Variants in MYRIP observed in about 807,000 individuals in gnomAD.
MYRIP encodes the protein rab effector MyRIP.
A neutral mutation model predicts 98.0 loss-of-function variants in MYRIP; 49 were observed. That is an observed-to-expected ratio of 0.50 (90% CI 0.40 to 0.63). The LOEUF is 0.63. MYRIP is among the 30% of genes least tolerant of loss of function. MYRIP has a pLI of 0.00. For synonymous variants in MYRIP, 404 were observed against 409.5 expected (o/e 0.99, Z 0.16); for missense variants, 1,004 against 1,058.2 (o/e 0.95, Z 0.71).
chr3:39,996,401 G>T (rs1167516378), intron 2 of MYRIP, among the ~76,000 whole-genome samples: 1 of 152,156 alleles, frequency 6.6e-6, no homozygotes, highest in Non-Finnish European at 1.5e-5. Context: ...TGATAAAACA[G>T]ACTTTAAACC....
intron 3 of MYRIP, among the ~76,000 whole-genome samples, chr3:40,102,700 G>A (rs1054164689): frequency 6.6e-6 from 1 of 152,030 alleles, no homozygotes; most frequent in Non-Finnish European, 1.5e-5. Context: ...GCAGCCGGGA[G>A]TGTCACCTCT....
chr3:40,059,071 T>C (rs1947945773), intron 3 of MYRIP, among the ~76,000 whole-genome samples: 1 of 152,082 alleles, frequency 6.6e-6, no homozygotes, highest in Admixed American at 6.6e-5. Context: ...CTGAGAATAA[T>C]GATTTCCAGT....
At chr3:40,158,054 C>T (rs888915534) in intron 4 of MYRIP, among the ~76,000 whole-genome samples, 1 of 151,884 alleles carries the variant, frequency 6.6e-6, no homozygotes, top group Non-Finnish European at 1.5e-5. Flanking sequence ...AATGTGTTTG[C>T]TCTTGCTTTT....
Position 40,162,784 on chromosome 3 carries a change from A to G in MYRIP, c.524A>G (p.Asp175Gly). ...LENEGSISGS[D>G]STFYRQSEGH... ...AATGAAGGAAGCATTTCTGGCAGTG[A>G]TTCAACATTTTATAGGCAGTCAGAA... is the stretch of plus-strand genomic sequence containing the variant. The change falls in exon 5 of 17, where the codon GAT becomes GGT. Residue 175 changes from aspartate (D) to glycine (G), a missense_variant. Asp to Gly is a moderately conservative substitution (Grantham distance 94). Coordinates refer to ENST00000302541, the MANE Select transcript of MYRIP (RefSeq NM_015460.4). The G allele has an allele frequency of 6.2e-7, 1 of 1,614,130 alleles. No individual in the cohort carries two copies. Among genetic ancestry groups the G allele is most frequent in the South Asian group, 1.1e-5 (1 of 91,086 alleles).
chr3:39,914,170 C>T (rs567094384), intron 2 of MYRIP, among the ~76,000 whole-genome samples: 10 of 152,132 alleles, frequency 6.6e-5, no homozygotes, highest in Admixed American at 3.3e-4. Context: ...TGGAACTTAT[C>T]GCACAGGTTA....
In MYRIP at chr3:40,004,107, G is replaced by A. The variant is rs74621588; in HGVS notation, c.111-39943G>A. The stretch of plus-strand genomic sequence containing the variant: ...ATCTAGTGGATTTCAGCACAGGCAT[G>A]TCTGACTGAGTTCCTGAACCTTCCA... On this transcript the variant is annotated intron_variant, in intron 2 of 16. Transcript: ENST00000302541. 9.0e-4 allele frequency among the ~76,000 whole-genome samples: 137 copies of A among 152,338 alleles called. 4 individuals are homozygous for A. In the East Asian group the frequency reaches 0.02, roughly 22 times the overall value.
chr3:39,877,805 C>G (rs987394335), intron 1 of MYRIP, among the ~76,000 whole-genome samples: 11 of 152,176 alleles, frequency 7.2e-5, no homozygotes, highest in Admixed American at 4.6e-4. Flanking sequence ...CAGGGACCCA[C>G]TTGAGGAGGC....
chr3:40,104,813 G>A (rs1042540351), intron 3 of MYRIP, among the ~76,000 whole-genome samples: 10 of 152,134 alleles, frequency 6.6e-5, no homozygotes, highest in African/African-American at 2.2e-4. Context: ...TATTGTTCTT[G>A]ACAATAAGAC....
At chr3:40,036,621 G>T (rs574579555) in intron 2 of MYRIP, among the ~76,000 whole-genome samples, 2 of 152,084 alleles carry the variant, frequency 1.3e-5, no homozygotes, top group Non-Finnish European at 2.9e-5. Context: ...TAAAAAATAC[G>T]CTTTCTGAAG....
intron 2 of MYRIP, among the ~76,000 whole-genome samples, chr3:39,913,660 T>C (rs1435564303): frequency 6.6e-6 from 1 of 152,210 alleles, no homozygotes; most frequent in Non-Finnish European, 1.5e-5. Context: ...GAGACACCCA[T>C]GTTATGATAT....
chr3:39,842,493 G>A (rs189354281), intron 1 of MYRIP, among the ~76,000 whole-genome samples: 4 of 152,152 alleles, frequency 2.6e-5, no homozygotes, highest in Non-Finnish European at 4.4e-5. Flanking sequence ...GCCGTTTCAG[G>A]TGCCACTGGG....
In MYRIP at chr3:40,190,110, G is replaced by A; in HGVS notation, c.1312G>A (p.Ala438Thr). 6 of 1,613,946 alleles carry A rather than the reference G, an allele frequency of 3.7e-6. No individual in the cohort carries two copies. Among genetic ancestry groups the A allele is most frequent in the African/African-American group, 1.3e-5 (1 of 75,018 alleles). The change falls in exon 10 of 17, where the codon GCC becomes ACC. Residue 438 changes from alanine (A) to threonine (T), a missense_variant. Ala to Thr is a moderately conservative substitution (Grantham distance 58). Transcript: ENST00000302541. ...GAGCTCTGACCAAGGCCCCATAGCT[G>A]CCTCCCCATCCTCTGCACTCTCCCC... ...AQSSDQGPIA[A>T]SPSSALSPNP...
chr3:40,173,088 A>G (rs1216493309), intron 8 of MYRIP: 1 of 152,238 alleles, frequency 6.6e-6, no homozygotes, highest in African/African-American at 2.4e-5. Context: ...CTTAAACAGT[A>G]ATGTTAATAA....
intron 1 of MYRIP, among the ~76,000 whole-genome samples, chr3:39,811,571 G>T (rs77825791): frequency 6.6e-6 from 1 of 151,848 alleles, no homozygotes; most frequent in Non-Finnish European, 1.5e-5. Context: ...GGGCAGCTGC[G>T]TCTCTCCTAA....
chr3:40,230,632 T>G (rs1391719053), intron 11 of MYRIP, among the ~76,000 whole-genome samples: 6 of 152,078 alleles, frequency 3.9e-5, no homozygotes, highest in Admixed American at 6.5e-5. Flanking sequence ...AGGTGCATGG[T>G]CCACACCCAC....
chr3:40,043,399 A>T (rs1018550852), intron 2 of MYRIP, among the ~76,000 whole-genome samples: 2 of 151,500 alleles, frequency 1.3e-5, no homozygotes, highest in African/African-American at 2.4e-5. Context: ...TTTTCTTCTC[A>T]CTGAGCACAG....
chr3:40,169,948 A>G lies in MYRIP; in HGVS notation c.730-2A>G, dbSNP rs769375913. Reference sequence around the variant, plus strand: ...GCCCCTTTTTTGTCCTCCCCTCCCCAGATTATACGAAAACAGAAGAGCAAA... The same window carrying G: ...GCCCCTTTTTTGTCCTCCCCTCCCCGGATTATACGAAAACAGAAGAGCAAA... On this transcript the variant is annotated splice_acceptor_variant, in intron 7 of 16. Transcript: ENST00000302541. LOFTEE classifies it high-confidence loss of function. 2 of 1,614,050 alleles carry G rather than the reference A, an allele frequency of 1.2e-6. No homozygotes were observed. Among genetic ancestry groups the G allele is most frequent in the Admixed American group, 1.7e-5 (1 of 60,004 alleles).
intron 12 of MYRIP, 54 bp from the exon 13 acceptor site, chr3:40,244,392 C>T: frequency 6.5e-7 from 1 of 1,531,030 alleles, no homozygotes; most frequent in Admixed American, 1.9e-5. Flanking sequence ...CAAGGGACCC[C>T]CAACCAGTCC....
intron 2 of MYRIP, among the ~76,000 whole-genome samples, chr3:40,025,854 C>A (rs1362935852): frequency 6.6e-6 from 1 of 152,116 alleles, no homozygotes; most frequent in Non-Finnish European, 1.5e-5. Context: ...AGATCACATG[C>A]TTCTGAGGAA....
Sources: gnomAD v4.1 joint callset for allele counts (sites outside exome capture counted in the v4.1 genomes callset) on GRCh38, gnomAD v4.1.1 for gene constraint, MANE v1.5 for transcripts, NCBI Gene and HGNC (gene_info 2026-07-23, HGNC 2026-07-21) for gene names.